Variants in OR51I2 observed in about 807,000 individuals in gnomAD.
The protein encoded by OR51I2 is olfactory receptor family 51 subfamily I member 2.
Under a neutral mutation model 9.3 loss-of-function variants are expected in OR51I2, and 6 were observed. That is an observed-to-expected ratio of 0.64 (90% confidence interval 0.35 to 1.27). The LOEUF (loss-of-function observed/expected upper bound fraction) is 1.27, where lower values mean the gene tolerates loss of function less well. Among genes scored for constraint, OR51I2 ranks in the 50% most tolerant of loss-of-function variants. The pLI is 0.03. For synonymous variants in OR51I2, 179 were observed against 143.1 expected, an observed-to-expected ratio of 1.25 and a Z score of -1.79; for missense variants, 489 against 396.4, an observed-to-expected ratio of 1.23 and a Z score of -1.98.
chr11:5,452,789 T>C (rs1008372429), intron 1 of OR51I2, among the ~76,000 whole-genome samples: 1 of 152,234 alleles, frequency 6.6e-6, no homozygotes, highest in African/African-American at 2.4e-5. Flanking sequence ...AGTGTACCTA[T>C]AGAATATTTA....
At chr11:5,450,149 GAGGCTGAGGTGGT>G (rs1421964224) in intron 1 of OR51I2, among the ~76,000 whole-genome samples, 3 of 152,172 alleles carry the variant, frequency 2.0e-5, no homozygotes, top group African/African-American at 7.2e-5. Flanking sequence ...AGCACTTTGG[GAGGCTGAGGTGGT>G]CAGATCACCT....
rs1263231831 is a variant in OR51I2, at chr11:5,454,538, G to A, written c.*111G>A. 1.2e-5 allele frequency: 11 copies of A among 899,004 alleles called. No homozygotes were observed. The highest frequency in any genetic ancestry group is 1.9e-5 in the Non-Finnish European group (11 of 590,470). The allele number at this position is 899,004 out of a possible 1,614,324, so 55.7% of individuals were successfully genotyped here. Reference sequence around the variant, plus strand: ...AGATTGTGTGCTGCGGGAAAAGTAGGCCAGGAGATGGTGATGCAAAACTTA... The same window carrying A: ...AGATTGTGTGCTGCGGGAAAAGTAGACCAGGAGATGGTGATGCAAAACTTA... On this transcript the variant is annotated 3_prime_UTR_variant, in exon 2 of 2. Transcript: ENST00000641930.
At chr11:5,449,740 G>C (rs930210637) in intron 1 of OR51I2, among the ~76,000 whole-genome samples, 4 of 152,136 alleles carry the variant, frequency 2.6e-5, no homozygotes, top group African/African-American at 9.7e-5. Flanking sequence ...AAGGGAAGTG[G>C]TCACAACCTA....
In OR51I2 at chr11:5,453,811, C is replaced by T. The variant is rs898935254; in HGVS notation, c.323C>T (p.Ser108Phe). ...CAGATGTTTCTTATTCACTTCTTCTCCATGATGGAATCAGGTATTCTGCTG... is the reference window on the plus strand; with the variant it reads ...CAGATGTTTCTTATTCACTTCTTCTTCATGATGGAATCAGGTATTCTGCTG... Reference protein sequence around the residue: ...LIQMFLIHFFSMMESGILLAM... With the variant: ...LIQMFLIHFFFMMESGILLAM... Residue 108 changes from serine (S) to phenylalanine (F), a missense_variant, in exon 2 of 2, where the codon TCC becomes TTC. By Grantham distance (155) the Ser-to-Phe change is radical. Transcript: ENST00000641930. 1 of 1,614,200 alleles carries T rather than the reference C, an allele frequency of 6.2e-7. No individual in the cohort carries two copies. The highest frequency in any genetic ancestry group is 8.5e-7 in the Non-Finnish European group (1 of 1,180,026).
chr11:5,454,366 G>A lies in OR51I2; in HGVS notation c.878G>A (p.Ser293Asn), dbSNP rs773340123. ...VPPVLNPLIYSAKTKEIRRAI... is the reference protein window; with the variant it reads ...VPPVLNPLIYNAKTKEIRRAI... ...CCTGTGCTCAACCCTCTCATTTATA[G>A]CGCCAAGACAAAGGAAATCCGCCGA... The change falls in exon 2 of 2, where the codon AGC becomes AAC. Residue 293 changes from serine (S) to asparagine (N), a missense_variant. Coordinates refer to ENST00000641930, the MANE Select transcript of OR51I2 (RefSeq NM_001004754.3). 2 of 1,613,706 alleles carry A rather than the reference G, an allele frequency of 1.2e-6. No individual in the cohort carries two copies. The highest frequency in any genetic ancestry group is 1.3e-5 in the African/African-American group (1 of 74,980).
At chr11:5,453,229 T>G in intron 1 of OR51I2, 30 bp from the exon 2 acceptor site, 1 of 317,500 alleles carries the variant, frequency 3.1e-6, no homozygotes, top group East Asian at 5.2e-5. Context: ...ATTGAAGTAT[T>G]TGTCAATGTC....
chr11:5,452,198 G>T (rs1454185263), intron 1 of OR51I2, among the ~76,000 whole-genome samples: 1 of 152,102 alleles, frequency 6.6e-6, no homozygotes, highest in Non-Finnish European at 1.5e-5. Flanking sequence ...AGATCTACAT[G>T]TTAAATGGTA....
rs1177027331 is a variant in OR51I2, at chr11:5,453,484, T to C, written c.-5T>C. ...CTCTGAAAAGTACCCTAAGTTTGTT[T>C]TGCTATGGGGTTGTTCAATGTCACT... On this transcript the variant is annotated 5_prime_UTR_variant, in exon 2 of 2. Coordinates refer to ENST00000641930, the MANE Select transcript of OR51I2 (RefSeq NM_001004754.3). 1 of 1,510,158 alleles carries C rather than the reference T, an allele frequency of 6.6e-7. No individual in the cohort carries two copies. The highest frequency in any genetic ancestry group is 1.4e-5 in the African/African-American group (1 of 71,518). 93.5% of individuals were successfully genotyped at this position (1,510,158 alleles called of 1,614,324 possible). A position where few individuals can be genotyped will look rare whatever the true frequency, so the allele number is the denominator to read the frequency against.
chr11:5,455,547 G>A lies in OR51I2; in HGVS notation c.*1120G>A, dbSNP rs1850939285. On this transcript the variant is annotated 3_prime_UTR_variant, in exon 2 of 2. Coordinates refer to ENST00000641930, the MANE Select transcript of OR51I2 (RefSeq NM_001004754.3). ...GTAGATCAAAAGAGAGCGAGGGATT[G>A]GGGGAGAAAGAAGGGGGGAGAGAGA... 1.9e-5 allele frequency: 1 copy of A among 52,146 alleles called. No homozygotes were observed. The highest frequency in any genetic ancestry group is 5.7e-5 in the African/African-American group (1 of 17,550). The allele number at this position is 52,146 out of a possible 1,614,324, so 3.2% of individuals were successfully genotyped here. A position where few individuals can be genotyped will look rare whatever the true frequency, so the allele number is the denominator to read the frequency against.
At position 5,454,355 on chromosome 11, in the gene OR51I2, T is replaced by C. The variant is rs1436328971; in HGVS notation, c.867T>C (p.Pro289=). The change falls in exon 2 of 2, where the codon CCT becomes CCC. Residue 289 remains proline, a synonymous_variant. Coordinates refer to ENST00000641930, the MANE Select transcript of OR51I2 (RefSeq NM_001004754.3). The stretch of plus-strand genomic sequence containing the variant: ...TATTTGTGCCTCCTGTGCTCAACCC[T>C]CTCATTTATAGCGCCAAGACAAAGG... ...VYLFVPPVLN[P]LIYSAKTKEI... The C allele has an allele frequency of 1.1e-5, 18 of 1,613,962 alleles. No individual in the cohort carries two copies. The highest frequency in any genetic ancestry group is 1.4e-5 in the Non-Finnish European group (17 of 1,180,014).
At chr11:5,450,673 G>T (rs1226070476) in intron 1 of OR51I2, among the ~76,000 whole-genome samples, 1 of 152,086 alleles carries the variant, frequency 6.6e-6, no homozygotes, top group Non-Finnish European at 1.5e-5. Flanking sequence ...TTTGTTTAGG[G>T]GTACCTGTGA....
intron 1 of OR51I2, among the ~76,000 whole-genome samples, chr11:5,450,959 G>C (rs1014924765): frequency 4.6e-5 from 7 of 152,090 alleles, no homozygotes; most frequent in Admixed American, 4.6e-4. Flanking sequence ...AGAGAGAAGA[G>C]AGTCTTAAAA....
chr11:5,450,880 C>T lies in OR51I2; in HGVS notation c.-231+1516C>T, dbSNP rs1202494110. ...TGATGGCTTCCAGCCTCATCCATGT[C>T]CCTGCAAAGGACATGACCTGCATGC... On this transcript the variant is annotated intron_variant, in intron 1 of 1. Transcript: ENST00000641930. Among the ~76,000 whole-genome samples the T allele has an allele frequency of 2.0e-5, 3 of 152,022 alleles. No individual in the cohort carries two copies. The East Asian group carries it at 5.8e-4, about 29-fold the overall frequency.
In OR51I2 at chr11:5,454,210, G is replaced by T. The variant is rs150822863; in HGVS notation, c.722G>T (p.Cys241Phe). The T allele has an allele frequency of 2.1e-4, 331 of 1,614,086 alleles. 1 individual carries two copies. The African/African-American group carries it at 3.7e-3, about 18-fold the overall frequency. The change falls in exon 2 of 2, where the codon TGT (cysteine) becomes TTT (phenylalanine). Residue 241 changes from cysteine (C) to phenylalanine (F), a missense_variant. Physicochemically the swap from Cys to Phe is radical, Grantham distance 205. Coordinates refer to ENST00000641930, the MANE Select transcript of OR51I2 (RefSeq NM_001004754.3). ...GAACGCCTCAAAGCTCTCAACACAT[G>T]TGTGTCACATATCCTGGCTGTACTT... ...REERLKALNT[C>F]VSHILAVLAF...
Position 5,454,320 on chromosome 11 carries a change from A to C in OR51I2, c.832A>C (p.Asn278His). Reference sequence around the variant, plus strand: ...ATGCTACATACATGTCCTCATGTCAAATGTGTACCTATTTGTGCCTCCTGT... The same window carrying C: ...ATGCTACATACATGTCCTCATGTCACATGTGTACCTATTTGTGCCTCCTGT... ...VPCYIHVLMS[N>H]VYLFVPPVLN... Residue 278 changes from asparagine to histidine, a missense_variant, in exon 2 of 2, where the codon AAT becomes CAT. Coordinates refer to ENST00000641930, the MANE Select transcript of OR51I2 (RefSeq NM_001004754.3). 1.9e-6 allele frequency: 3 copies of C among 1,614,144 alleles called. No individual in the cohort carries two copies. The highest frequency in any genetic ancestry group is 2.5e-6 in the Non-Finnish European group (3 of 1,180,004).
intron 1 of OR51I2, among the ~76,000 whole-genome samples, chr11:5,452,767 A>C (rs1041953357): frequency 2.0e-5 from 3 of 152,224 alleles, no homozygotes; most frequent in Admixed American, 6.5e-5. Flanking sequence ...ATGCTCTCCC[A>C]CACCGAATGC....
Position 5,453,960 on chromosome 11 carries a change from C to A in OR51I2, c.472C>A (p.Pro158Thr), listed in dbSNP as rs202157321. Residue 158 changes from proline (P) to threonine (T), a missense_variant, in exon 2 of 2, where the codon CCT (proline) becomes ACT (threonine). Coordinates refer to ENST00000641930, the MANE Select transcript of OR51I2 (RefSeq NM_001004754.3). ...AAARSFITLFPLPFLIKRLPI... is the reference protein window; with the variant it reads ...AAARSFITLFTLPFLIKRLPI... ...TGCTCGAAGCTTCATCACCCTTTTC[C>A]CTCTTCCCTTTCTTATTAAGAGGCT... The A allele has an allele frequency of 1.1e-5, 17 of 1,614,076 alleles. No homozygotes were observed. In the East Asian group the frequency reaches 1.1e-4, roughly 11 times the overall value.
At chr11:5,452,962 T>A (rs11037489) in intron 1 of OR51I2, among the ~76,000 whole-genome samples, 38,723 of 152,068 alleles carry the variant, frequency 0.25, 5,613 homozygotes, top group East Asian at 0.43. Flanking sequence ...TCCTTTTCCC[T>A]CTCCATCCAA....
chr11:5,450,739 C>T (rs530707186), intron 1 of OR51I2, among the ~76,000 whole-genome samples: 1 of 152,294 alleles, frequency 6.6e-6, no homozygotes, highest in African/African-American at 2.4e-5. Flanking sequence ...CTCTCCAATG[C>T]CTTAATGATA....
Sources: gnomAD v4.1 joint callset for allele counts (sites outside exome capture counted in the v4.1 genomes callset) on GRCh38, gnomAD v4.1.1 for gene constraint, MANE v1.5 for transcripts, NCBI Gene and HGNC (gene_info 2026-07-23, HGNC 2026-07-21) for gene names.